Variants in KIR2DL3 observed in about 807,000 individuals in gnomAD.
KIR2DL3 encodes killer cell immunoglobulin-like receptor 2DL3.
Under a neutral mutation model 33.8 loss-of-function variants are expected in KIR2DL3, and 39 were observed. That is an observed-to-expected ratio of 1.15 (90% CI 0.89 to 1.51). The LOEUF (loss-of-function observed/expected upper bound fraction) is 1.51, where lower values mean the gene tolerates loss of function less well. KIR2DL3 is among the 40% of genes most tolerant of loss of function. The probability of loss-of-function intolerance (pLI) is 0.00; values close to 1 mark genes in which losing one functional copy is unlikely to be tolerated. For missense variants in KIR2DL3, 462 were observed against 426.2 expected (o/e 1.08, Z -0.74); for synonymous variants, 174 against 160.2 (o/e 1.09, Z -0.65).
Position 54,743,874 on chromosome 19 carries a change from C to T in KIR2DL3, c.450C>T (p.Ser150=), listed in dbSNP as rs764008857. 9 of 1,613,758 alleles carry T rather than the reference C, an allele frequency of 5.6e-6. No homozygotes were observed. The South Asian group carries it at 9.9e-5, about 18-fold the overall frequency. ...LAGESVTLSC[S]SRSSYDMYHL... ...GAGAGAGCGTGACCTTGTCCTGCAG[C>T]TCCCGGAGCTCCTATGACATGTACC... Residue 150 remains serine (S), a synonymous_variant, in exon 4 of 8, where the codon AGC becomes AGT. Transcript: ENST00000342376.
intron 5 of KIR2DL3, among the ~76,000 whole-genome samples, chr19:54,748,465 C>T (rs2072906883): frequency 7.2e-6 from 1 of 139,816 alleles, no homozygotes; most frequent in Admixed American, 7.5e-5. Context: ...CAGCATTCTC[C>T]TGCCTTCCAC....
rs1330290387 is a variant in KIR2DL3, at chr19:54,738,567, A to C, written c.22A>C (p.Met8Leu). The change falls in exon 1 of 8, where the codon ATG (methionine) becomes CTG (leucine). Residue 8 changes from methionine (M) to leucine (L), a missense_variant. Transcript: ENST00000342376. The part of the protein sequence containing the change: MSLMVVS[M>L]VCVGFFLLQG... ...CACCATGTCGCTCATGGTCGTCAGCATGGTGTGTGTTGGTGAGTCCTGGAA... is the reference window on the plus strand; with the variant it reads ...CACCATGTCGCTCATGGTCGTCAGCCTGGTGTGTGTTGGTGAGTCCTGGAA... The C allele has an allele frequency of 3.1e-6, 5 of 1,614,172 alleles. No individual in the cohort carries two copies. The South Asian group carries it at 4.4e-5, about 14-fold the overall frequency.
At chr19:54,747,481 T>G (rs1335410986) in intron 5 of KIR2DL3, 96 bp downstream of exon 5, 2 of 1,459,930 alleles carry the variant, frequency 1.4e-6, no homozygotes, top group African/African-American at 2.8e-5. Context: ...GCTCTGACAT[T>G]GTACGCCTGT....
intron 5 of KIR2DL3, 61 bp from the exon 6 acceptor site, chr19:54,751,588 G>C: frequency 7.8e-7 from 1 of 1,277,210 alleles, no homozygotes; most frequent in Admixed American, 1.9e-5. Context: ...AGAAATGTGA[G>C]ACAATTCATA....
intron 4 of KIR2DL3, among the ~76,000 whole-genome samples, chr19:54,744,890 A>ATATG (rs1555906288): frequency 1.7e-5 from 1 of 57,872 alleles, no homozygotes; most frequent in Non-Finnish European, 3.7e-5. Context: ...ATATATATAT[A>ATATG]TATATATACA....
At chr19:54,743,016 GGAGCAGAGAAAAGCACTAAAATTA>G (rs1255763227) in intron 3 of KIR2DL3, among the ~76,000 whole-genome samples, 2 of 151,742 alleles carry the variant, frequency 1.3e-5, no homozygotes, top group Non-Finnish European at 2.9e-5. Flanking sequence ...ATGATGGCAG[GGAGCAGAGAAAAGCACTAAAATTA>G]GAGTCCTGAG....
At chr19:54,738,606 G>C (rs1391227244) in intron 1 of KIR2DL3, 27 bp downstream of exon 1, 1 of 1,614,012 alleles carries the variant, frequency 6.2e-7, no homozygotes, top group East Asian at 2.2e-5. Context: ...CATCGAGGGA[G>C]GGAGTGCGGG....
At position 54,752,446 on chromosome 19, in the gene KIR2DL3, G is replaced by C. The variant is rs1049267; in HGVS notation, c.953G>C (p.Arg318Pro). Residue 318 changes from arginine (R) to proline (P), a missense_variant, in exon 8 of 8, where the codon CGC becomes CCC. Physicochemically the swap from Arg to Pro is moderately radical, Grantham distance 103 (BLOSUM62 -2). Transcript: ENST00000342376. Reference protein sequence around the residue: ...HCVFTQRKITRPSQRPKTPPT... With the variant: ...HCVFTQRKITPPSQRPKTPPT... ...GTTTTCACACAGAGAAAAATCACTC[G>C]CCCTTCTCAGAGGCCCAAGACACCC... is the stretch of plus-strand genomic sequence containing the variant. 3,390 of 1,434,594 alleles carry C rather than the reference G, an allele frequency of 2.4e-3. 981 individuals are homozygous for C. Among genetic ancestry groups the C allele is most frequent in the South Asian group, 0.012 (882 of 74,284 alleles). 88.9% of individuals were successfully genotyped at this position (1,434,594 alleles called of 1,614,324 possible).
Position 54,747,349 on chromosome 19 carries a change from A to T in KIR2DL3, c.679A>T (p.Ser227Cys). 1 of 1,611,804 alleles carries T rather than the reference A, an allele frequency of 6.2e-7. No homozygotes were observed. The highest frequency in any genetic ancestry group is 1.3e-5 in the African/African-American group (1 of 74,634). The change falls in exon 5 of 8, where the codon AGT (serine) becomes TGT (cysteine). Residue 227 changes from serine (S) to cysteine (C), a missense_variant. Physicochemically the swap from Ser to Cys is moderately radical, Grantham distance 112. Coordinates refer to ENST00000342376, the MANE Select transcript of KIR2DL3 (RefSeq NM_015868.3). ...LVSVTGNPSN[S>C]WPSPTEPSSE... ...TCGTGTTCTAGGAAACCCTTCAAAT[A>T]GTTGGCCTTCACCCACTGAACCAAG...
intron 3 of KIR2DL3, among the ~76,000 whole-genome samples, chr19:54,742,812 T>C (rs1334996350): frequency 1.3e-5 from 2 of 151,104 alleles, no homozygotes; most frequent in African/African-American, 2.4e-5. Flanking sequence ...TGTGAACTTG[T>C]GGTCTCCAGA....
intron 4 of KIR2DL3, 72 bp from the exon 5 acceptor site, chr19:54,747,263 A>T (rs62122556): frequency 0.16 from 194,720 of 1,220,760 alleles, 2 homozygotes; most frequent in Non-Finnish European, 0.18. Flanking sequence ...CCATGAACCA[A>T]CCTCAAAGAT....
intron 4 of KIR2DL3, among the ~76,000 whole-genome samples, chr19:54,744,921 C>CATATATATATGTGTGTATATAT (rs2072105959): frequency 4.0e-5 from 1 of 25,250 alleles, no homozygotes; most frequent in African/African-American, 1.3e-4. Context: ...CATATATAAA[C>CATATATATATGTGTGTATATAT]ATATATATAT....
At chr19:54,745,093 C>G (rs200907694) in intron 4 of KIR2DL3, among the ~76,000 whole-genome samples, 19,152 of 142,610 alleles carry the variant, frequency 0.13, no homozygotes, top group South Asian at 0.23. Context: ...GTAATGACTT[C>G]CAGTTCCATC....
chr19:54,739,159 G>A (rs1366264818), intron 1 of KIR2DL3, among the ~76,000 whole-genome samples: 1 of 151,224 alleles, frequency 6.6e-6, no homozygotes, highest in African/African-American at 2.4e-5. Flanking sequence ...ATATGGGCCT[G>A]GAGTGGAGAT....
chr19:54,742,168 A>C lies in KIR2DL3; in HGVS notation c.259A>C (p.Ile87Leu). The change falls in exon 3 of 8, where the codon ATC becomes CTC. Residue 87 changes from isoleucine (I) to leucine (L), a missense_variant. Transcript: ENST00000342376. Reference protein sequence around the residue: ...HDGVSKANFSIGPMMQDLAGT... With the variant: ...HDGVSKANFSLGPMMQDLAGT... ...TGGGGTCTCCAAGGCCAACTTCTCC[A>C]TCGGTCCCATGATGCAAGACCTTGC... 1 of 1,614,148 alleles carries C rather than the reference A, an allele frequency of 6.2e-7. No individual in the cohort carries two copies. Among genetic ancestry groups the C allele is most frequent in the Admixed American group, 1.7e-5 (1 of 60,022 alleles).
chr19:54,751,609 G>A lies in KIR2DL3; in HGVS notation c.716-40G>A. The A allele has an allele frequency of 2.1e-6, 3 of 1,399,592 alleles. 1 individual carries two copies. The highest frequency in any genetic ancestry group is 1.3e-5 in the South Asian group (1 of 77,058). 86.7% of individuals were successfully genotyped at this position (1,399,592 alleles called of 1,614,324 possible). Reference sequence around the variant, plus strand: ...GTGAGACAATTCATAAAGAGGAACTGCTATGATTAGCTTCTTATTGGTGTC... The same window carrying A: ...GTGAGACAATTCATAAAGAGGAACTACTATGATTAGCTTCTTATTGGTGTC... On this transcript the variant is annotated intron_variant, in intron 5 of 7. Coordinates refer to ENST00000342376, the MANE Select transcript of KIR2DL3 (RefSeq NM_015868.3).
intron 5 of KIR2DL3, among the ~76,000 whole-genome samples, chr19:54,749,325 TA>T (rs1425438945): frequency 2.0e-5 from 3 of 146,660 alleles, no homozygotes; most frequent in Non-Finnish European, 4.5e-5. Flanking sequence ...CTCAGTTGCA[TA>T]ACTGGAATCT....
intron 5 of KIR2DL3, among the ~76,000 whole-genome samples, chr19:54,747,719 G>C (rs1287167397): frequency 1.7e-4 from 26 of 152,278 alleles, no homozygotes; most frequent in African/African-American, 6.0e-4. Context: ...GGAAGGGAAG[G>C]GAACATCTGA....
At chr19:54,748,330 A>C in intron 5 of KIR2DL3, among the ~76,000 whole-genome samples, 1 of 150,830 alleles carries the variant, frequency 6.6e-6, no homozygotes, top group East Asian at 1.9e-4. Context: ...CATCCAGGAT[A>C]CCCTTGTTTT....
Sources: gnomAD v4.1 joint callset for allele counts (sites outside exome capture counted in the v4.1 genomes callset) on GRCh38, gnomAD v4.1.1 for gene constraint, MANE v1.5 for transcripts, NCBI Gene and HGNC (gene_info 2026-07-23, HGNC 2026-07-21) for gene names.